The following MARK1 variants were observed in gnomAD, a reference collection of about 807,000 sequenced individuals.
The protein encoded by MARK1 is serine/threonine-protein kinase MARK1.
In MARK1, 40 loss-of-function variants were observed where a neutral mutation model predicts 96.3. That is an observed-to-expected ratio of 0.42 (90% CI 0.32 to 0.54). The LOEUF is 0.54. Among genes scored for constraint, MARK1 ranks in the 20% least tolerant of loss-of-function variants. The pLI is 0.16. For missense variants in MARK1, 719 were observed against 984.6 expected, an observed-to-expected ratio of 0.73 and a Z score of 3.61; for synonymous variants, 317 against 341.2, an observed-to-expected ratio of 0.93 and a Z score of 0.78.
At chr1:220,647,896 A>T (rs1334825076) in intron 13 of MARK1, among the ~76,000 whole-genome samples, 3 of 152,054 alleles carry the variant, frequency 2.0e-5, no homozygotes, top group Non-Finnish European at 4.4e-5. Context: ...CTTTCAGAGG[A>T]GGGCGGAGGT....
chr1:220,560,385 A>C (rs889795897), intron 1 of MARK1, among the ~76,000 whole-genome samples: 1 of 152,160 alleles, frequency 6.6e-6, no homozygotes, highest in Non-Finnish European at 1.5e-5. Flanking sequence ...TGTTCTTCCC[A>C]TGGATCTTAA....
chr1:220,567,584 G>A (rs1003190223), intron 1 of MARK1, among the ~76,000 whole-genome samples: 1 of 152,056 alleles, frequency 6.6e-6, no homozygotes, highest in African/African-American at 2.4e-5. Context: ...AAACAACTCG[G>A]ATTAGGCCTG....
chr1:220,626,309 G>T, intron 9 of MARK1: 1 of 544,672 alleles, frequency 1.8e-6, no homozygotes, highest in South Asian at 1.4e-5. Context: ...ACCACAGACT[G>T]GGTCATGACT....
chr1:220,661,825 G>A lies in MARK1; in HGVS notation c.2047G>A (p.Glu683Lys). 6.2e-7 allele frequency: 1 copy of A among 1,606,908 alleles called. No homozygotes were observed. Among genetic ancestry groups the A allele is most frequent in the Non-Finnish European group, 8.5e-7 (1 of 1,175,614 alleles). The change falls in exon 18 of 18, where the codon GAA (glutamate) becomes AAA (lysine). Residue 683 changes from glutamate to lysine, a missense_variant. Transcript: ENST00000366917. ...CTCTTGTTCCAGAAGTACATCAGGG[G>A]AACCAAAAGAAAGAGACAAGGAAGA... is the stretch of plus-strand genomic sequence containing the variant. Reference protein sequence around the residue: ...RTDTSRSTSGEPKERDKEEGK... With the variant: ...RTDTSRSTSGKPKERDKEEGK...
At chr1:220,619,259 G>C (rs895805774) in intron 9 of MARK1, among the ~76,000 whole-genome samples, 3 of 152,202 alleles carry the variant, frequency 2.0e-5, no homozygotes, top group Non-Finnish European at 4.4e-5. Flanking sequence ...CAGATCACGA[G>C]GTCAGGAGAT....
intron 3 of MARK1, among the ~76,000 whole-genome samples, chr1:220,596,352 A>G (rs1186044639): frequency 1.3e-5 from 2 of 152,184 alleles, no homozygotes; most frequent in Non-Finnish European, 2.9e-5. Flanking sequence ...GACCCTGTGT[A>G]CTGAGAGGTT....
At chr1:220,597,384 A>G (rs1269711788) in intron 3 of MARK1, among the ~76,000 whole-genome samples, 3 of 151,854 alleles carry the variant, frequency 2.0e-5, no homozygotes, top group African/African-American at 7.3e-5. Context: ...AACATTTGCT[A>G]TTTTCTGGGC....
rs760851415 is a variant in MARK1, at chr1:220,654,987, G to A, written c.1988+1635G>A. Among the ~76,000 whole-genome samples the A allele has an allele frequency of 2.0e-5, 3 of 152,198 alleles. No individual in the cohort carries two copies. Among genetic ancestry groups the A allele is most frequent in the Middle Eastern group, 3.2e-3 (1 of 316 alleles). ...ACACATATGTGGAGACCTACTACAC[G>A]CAAGGCCCTTTTGTAGGAGCTATTG... On this transcript the variant is annotated intron_variant, in intron 16 of 17. Transcript: ENST00000366917. The surrounding 1 kb of genome is among the most constrained non-coding windows in gnomAD (Gnocchi z 4.0).
chr1:220,545,513 T>C (rs115787681), intron 1 of MARK1, among the ~76,000 whole-genome samples: 212 of 136,834 alleles, frequency 1.5e-3, no homozygotes, highest in African/African-American at 5.4e-3. Context: ...CACAGCTCAC[T>C]GCAGTCTTGG....
intron 1 of MARK1, among the ~76,000 whole-genome samples, chr1:220,570,806 C>T (rs1663398051): frequency 6.6e-6 from 1 of 152,128 alleles, no homozygotes; most frequent in South Asian, 2.1e-4. Context: ...TAAAAGACTA[C>T]TTGTAATATG....
At chr1:220,627,569 C>T (rs1667422572) in intron 9 of MARK1, 1 of 322,086 alleles carries the variant, frequency 3.1e-6, no homozygotes, top group South Asian at 2.7e-5. Flanking sequence ...ATAAATATCC[C>T]CAGGGACTAG....
At chr1:220,543,939 A>G (rs1661314796) in intron 1 of MARK1, among the ~76,000 whole-genome samples, 1 of 152,212 alleles carries the variant, frequency 6.6e-6, no homozygotes, top group Non-Finnish European at 1.5e-5. Context: ...ATTACATTGT[A>G]ATTAACCTCA....
intron 1 of MARK1, among the ~76,000 whole-genome samples, chr1:220,548,522 A>G (rs928572350): frequency 2.0e-5 from 3 of 152,128 alleles, no homozygotes; most frequent in Non-Finnish European, 4.4e-5. Context: ...GGCGGATCAC[A>G]TGAGGTCAGG....
intron 1 of MARK1, among the ~76,000 whole-genome samples, chr1:220,576,981 A>G (rs1663904487): frequency 6.6e-6 from 1 of 152,156 alleles, no homozygotes; most frequent in Admixed American, 6.5e-5. Context: ...ATGAATGGCC[A>G]GATGCGGTGG....
At chr1:220,530,186 A>G (rs1336316862) in intron 1 of MARK1, among the ~76,000 whole-genome samples, 1 of 150,730 alleles carries the variant, frequency 6.6e-6, no homozygotes, top group Non-Finnish European at 1.5e-5. Flanking sequence ...ACCTGTGAAG[A>G]TGTTTCAGAG....
intron 1 of MARK1, among the ~76,000 whole-genome samples, chr1:220,558,150 A>G (rs4294414): frequency 1.4e-5 from 2 of 144,980 alleles, no homozygotes; most frequent in African/African-American, 5.2e-5. Context: ...AATAATAATA[A>G]TAATAATAAT....
intron 9 of MARK1, among the ~76,000 whole-genome samples, chr1:220,624,883 A>G (rs1416070097): frequency 6.6e-6 from 1 of 152,238 alleles, no homozygotes; most frequent in Non-Finnish European, 1.5e-5. Context: ...TAAAATTCTC[A>G]GAACTCTCTT....
rs532103666 is a variant in MARK1 at position 220,605,172 on chromosome 1, G to A, written c.495+1035G>A. Among the ~76,000 whole-genome samples, 5 of 152,262 alleles carry A rather than the reference G, an allele frequency of 3.3e-5. No individual in the cohort carries two copies. In the East Asian group the frequency reaches 9.7e-4, roughly 29 times the overall value. ...GTTGTAACATGGCATTCTCCAAATT[G>A]ACCATGAAATGAGTGTGTTTGTTTT... On this transcript the variant is annotated intron_variant, in intron 6 of 17. Transcript: ENST00000366917.
intron 3 of MARK1, among the ~76,000 whole-genome samples, chr1:220,595,458 C>G (rs1424523071): frequency 6.6e-6 from 1 of 152,116 alleles, no homozygotes; most frequent in Non-Finnish European, 1.5e-5. Flanking sequence ...TCCCATTGTC[C>G]AAGGCTGCAA....
Sources: allele counts gnomAD v4.1 joint callset (sites outside exome capture counted in the v4.1 genomes callset), GRCh38; gene constraint gnomAD v4.1.1; non-coding constraint Gnocchi (gnomAD v3.1); transcripts MANE v1.5; gene names NCBI Gene and HGNC (gene_info 2026-07-23, HGNC 2026-07-21).